The following DLGAP2 variants were observed in gnomAD, a reference collection of about 807,000 sequenced individuals.
The protein encoded by DLGAP2 is disks large-associated protein 2.
A neutral mutation model predicts 100.3 loss-of-function variants in DLGAP2; 26 were observed. The observed-to-expected ratio is 0.26, with a 90% CI of 0.19 to 0.36. DLGAP2 has a LOEUF of 0.36. Ranked by LOEUF, DLGAP2 falls within the 10% of genes least tolerant of loss-of-function variation. The probability of loss-of-function intolerance (pLI) is 1.00; values close to 1 mark genes in which losing one functional copy is unlikely to be tolerated. For missense variants in DLGAP2, 1,858 were observed against 1,453.2 expected (o/e 1.28, Z -4.53); for synonymous variants, 886 against 630.1 (o/e 1.41, Z -6.08).
chr8:840,834 A>C (rs867666802), intron 1 of DLGAP2, among the ~76,000 whole-genome samples: 5 of 152,242 alleles, frequency 3.3e-5, no homozygotes, highest in Admixed American at 6.5e-5. Context: ...ACACGTCTAC[A>C]TGGGGCACAT....
rs117292142 is a variant in DLGAP2 at position 1,470,556 on chromosome 8, G to T, written c.107-30810G>T. ...CAGTCACACGCAGAAGCACATATTG[G>T]AATCCTATTCTATTCTCTCTTAAAT... On this transcript the variant is annotated intron_variant, in intron 3 of 14. Transcript: ENST00000637795. Among the ~76,000 whole-genome samples the T allele has an allele frequency of 9.4e-4, 143 of 152,210 alleles. 2 individuals carry two copies. In the East Asian group the frequency reaches 0.026, roughly 28 times the overall value.
chr8:989,414 C>T (rs62488460), intron 2 of DLGAP2, among the ~76,000 whole-genome samples: 205 of 152,276 alleles, frequency 1.3e-3, no homozygotes, highest in Admixed American at 2.2e-3. Context: ...CTGAATCGGC[C>T]GCACTTGTGT....
intron 6 of DLGAP2, among the ~76,000 whole-genome samples, chr8:1,596,678 G>A (rs763248873): frequency 1.3e-5 from 2 of 152,160 alleles, no homozygotes; most frequent in East Asian, 1.9e-4. Context: ...CTTCTTCTGA[G>A]AAATGCCTGT....
chr8:1,175,601 C>A (rs900421395), intron 2 of DLGAP2, among the ~76,000 whole-genome samples: 17 of 152,112 alleles, frequency 1.1e-4, no homozygotes, highest in Admixed American at 1.3e-4. Context: ...TGACTAAATG[C>A]CAGTCTGTCT....
At position 1,450,642 on chromosome 8, in the gene DLGAP2, C is replaced by G. The variant is rs570214911; in HGVS notation, c.107-50724C>G. Reference sequence around the variant, plus strand: ...TCCTTTCCAAACTTTGTCTTCCCCCCCATCATTCCCACTCTGCAATTATGT... The same window carrying G: ...TCCTTTCCAAACTTTGTCTTCCCCCGCATCATTCCCACTCTGCAATTATGT... On this transcript the variant is annotated intron_variant, in intron 3 of 14. Coordinates refer to ENST00000637795, the MANE Select transcript of DLGAP2 (RefSeq NM_001346810.2). Among the ~76,000 whole-genome samples, 11 of 152,254 alleles carry G rather than the reference C, an allele frequency of 7.2e-5. No homozygotes were observed. The South Asian group carries it at 1.0e-3, about 14-fold the overall frequency.
chr8:1,326,107 G>C (rs1801015065), intron 3 of DLGAP2, among the ~76,000 whole-genome samples: 1 of 152,142 alleles, frequency 6.6e-6, no homozygotes, highest in African/African-American at 2.4e-5. Context: ...TTCTTCGATG[G>C]TTTCTTGACT....
intron 3 of DLGAP2, among the ~76,000 whole-genome samples, chr8:1,304,237 G>C (rs1800436023): frequency 6.6e-6 from 1 of 152,226 alleles, no homozygotes. Context: ...TCCTGTAGGA[G>C]CCCTGAGCAT....
intron 3 of DLGAP2, among the ~76,000 whole-genome samples, chr8:1,426,087 A>C (rs1797229658): frequency 6.6e-6 from 1 of 152,208 alleles, no homozygotes; most frequent in African/African-American, 2.4e-5. Context: ...AGGCCGGGAG[A>C]AAGCGTCAGG....
At chr8:1,536,140 C>T (rs896455410) in intron 4 of DLGAP2, among the ~76,000 whole-genome samples, 1 of 152,128 alleles carries the variant, frequency 6.6e-6, no homozygotes, top group African/African-American at 2.4e-5. Context: ...CCTGAGTATT[C>T]AGGAGAACTG....
chr8:937,779 G>A (rs138587924), intron 2 of DLGAP2, among the ~76,000 whole-genome samples: 66 of 152,288 alleles, frequency 4.3e-4, no homozygotes, highest in Admixed American at 1.6e-3. Context: ...GTCCTAAGGT[G>A]TATGTTCCCT....
At chr8:1,283,800 A>G (rs950160285) in intron 3 of DLGAP2, among the ~76,000 whole-genome samples, 11 of 152,248 alleles carry the variant, frequency 7.2e-5, no homozygotes, top group African/African-American at 2.7e-4. Context: ...CTGCTATTTT[A>G]TTTATAAAAG....
chr8:1,224,356 C>A (rs1314842726), intron 2 of DLGAP2, among the ~76,000 whole-genome samples: 1 of 152,020 alleles, frequency 6.6e-6, no homozygotes, highest in African/African-American at 2.4e-5. Flanking sequence ...CTGTCATATC[C>A]CAAGCACCAA....
intron 2 of DLGAP2, among the ~76,000 whole-genome samples, chr8:1,086,011 T>C (rs1394705083): frequency 1.3e-5 from 2 of 152,218 alleles, no homozygotes; most frequent in African/African-American, 4.8e-5. Context: ...TATTTTATTT[T>C]TATTTTTTGT....
intron 3 of DLGAP2, among the ~76,000 whole-genome samples, chr8:1,356,728 C>G (rs1449848375): frequency 2.6e-5 from 4 of 152,160 alleles, no homozygotes; most frequent in Non-Finnish European, 5.9e-5. Flanking sequence ...TAAAGGGTAA[C>G]AGGCAAGGCC....
intron 6 of DLGAP2, among the ~76,000 whole-genome samples, chr8:1,598,459 C>T (rs1397811697): frequency 6.6e-6 from 1 of 152,140 alleles, no homozygotes; most frequent in Non-Finnish European, 1.5e-5. Flanking sequence ...CTCTTTGTAC[C>T]TCTGGTAGAA....
At chr8:1,167,641 G>C (rs1797044034) in intron 2 of DLGAP2, among the ~76,000 whole-genome samples, 2 of 152,142 alleles carry the variant, frequency 1.3e-5, no homozygotes, top group Admixed American at 1.3e-4. Context: ...TTTAATGTTT[G>C]TGAAAGTTAA....
chr8:967,226 C>G (rs1448588159), intron 2 of DLGAP2, among the ~76,000 whole-genome samples: 1 of 152,216 alleles, frequency 6.6e-6, no homozygotes, highest in Non-Finnish European at 1.5e-5. Context: ...TACTGATGGA[C>G]AGTGAGATTC....
At chr8:764,563 C>T (rs1472600373) in intron 1 of DLGAP2, among the ~76,000 whole-genome samples, 2 of 152,166 alleles carry the variant, frequency 1.3e-5, no homozygotes, top group Non-Finnish European at 2.9e-5. Context: ...GTGGTCTAGC[C>T]TTGTCACCCG....
At chr8:1,635,380 A>G (rs1797742504) in intron 8 of DLGAP2, among the ~76,000 whole-genome samples, 1 of 152,216 alleles carries the variant, frequency 6.6e-6, no homozygotes, top group Admixed American at 6.5e-5. Flanking sequence ...TCCGTGAGTC[A>G]GGCGGATTTC....
Sources: allele counts gnomAD v4.1 joint callset (sites outside exome capture counted in the v4.1 genomes callset), GRCh38; gene constraint gnomAD v4.1.1; transcripts MANE v1.5; gene names NCBI Gene and HGNC (gene_info 2026-07-23, HGNC 2026-07-21).